The following ZHX2 variants were observed in gnomAD, a reference collection of about 807,000 sequenced individuals.
ZHX2 encodes zinc fingers and homeoboxes protein 2.
ZHX2 carries 6 observed loss-of-function variants against 21.9 expected under a neutral mutation model. That is an observed-to-expected ratio of 0.27 (90% CI 0.15 to 0.54). ZHX2 has a LOEUF of 0.54. ZHX2 is among the 20% of genes least tolerant of loss of function. The pLI, the probability that ZHX2 is intolerant of heterozygous loss-of-function variation, is 0.95. For synonymous variants in ZHX2, 434 were observed against 437.1 expected (o/e 0.99, Z 0.09); for missense variants, 908 against 1,090.7 (o/e 0.83, Z 2.36).
In ZHX2 at chr8:122,851,987, T is replaced by C. The variant is rs147955859; in HGVS notation, c.-282-11490T>C. ...CAACGTCTGAGCAGATCCCTCCGAA[T>C]TGATTTGGTTCTCCTTCCTGTTTAA... is the stretch of plus-strand genomic sequence containing the variant. On this transcript the variant is annotated intron_variant, in intron 1 of 3. Coordinates refer to ENST00000314393, the MANE Select transcript of ZHX2 (RefSeq NM_014943.5). 1.5e-3 allele frequency among the ~76,000 whole-genome samples: 227 copies of C among 152,350 alleles called. 1 individual carries two copies. Among genetic ancestry groups the C allele is most frequent in the South Asian group, 6.2e-3 (30 of 4,828 alleles).
At chr8:122,959,424 TAATG>T (rs1332036105) in intron 3 of ZHX2, among the ~76,000 whole-genome samples, 3 of 149,544 alleles carry the variant, frequency 2.0e-5, no homozygotes, top group African/African-American at 7.4e-5. Flanking sequence ...ACTAATTAAT[TAATG>T]AGTGAATGAA....
intron 2 of ZHX2, among the ~76,000 whole-genome samples, chr8:122,918,497 T>G (rs1182065980): frequency 6.6e-6 from 1 of 152,180 alleles, no homozygotes; most frequent in Non-Finnish European, 1.5e-5. Flanking sequence ...CCCACTTCTG[T>G]TGCACTTCTC....
chr8:122,827,143 C>T (rs1023053125), intron 1 of ZHX2, among the ~76,000 whole-genome samples: 5 of 152,140 alleles, frequency 3.3e-5, no homozygotes, highest in Non-Finnish European at 5.9e-5. Context: ...CCTCAGCCAC[C>T]CAAGTAGCTG....
intron 2 of ZHX2, among the ~76,000 whole-genome samples, chr8:122,876,898 G>A (rs1819587309): frequency 6.6e-6 from 1 of 152,188 alleles, no homozygotes; most frequent in Non-Finnish European, 1.5e-5. Context: ...GGGATTGGGG[G>A]ACCCAAGCCT....
chr8:122,810,570 G>C (rs535766636), intron 1 of ZHX2: 5 of 152,230 alleles, frequency 3.3e-5, no homozygotes, highest in Non-Finnish European at 7.3e-5. Flanking sequence ...CACGTCCTGC[G>C]TGGGTGAGTC....
Position 122,951,409 on chromosome 8 carries a change from G to T in ZHX2, c.-102G>T. ...ACAAGGAAAGCCAAAGCCATTTGAG[G>T]GGGAATAAAGCCAAAAGCCTTTCAC... On this transcript the variant is annotated 5_prime_UTR_variant, in exon 3 of 4. Coordinates refer to ENST00000314393, the MANE Select transcript of ZHX2 (RefSeq NM_014943.5). 1 of 1,028,668 alleles carries T rather than the reference G, an allele frequency of 9.7e-7. No homozygotes were observed. The highest frequency in any genetic ancestry group is 2.6e-5 in the East Asian group (1 of 38,262). 63.7% of individuals were successfully genotyped at this position (1,028,668 alleles called of 1,614,324 possible). A position where few individuals can be genotyped will look rare whatever the true frequency, so the allele number is the denominator to read the frequency against.
At chr8:122,915,537 G>A (rs1820579908) in intron 2 of ZHX2, among the ~76,000 whole-genome samples, 1 of 152,136 alleles carries the variant, frequency 6.6e-6, no homozygotes. Context: ...CTGATCCTTT[G>A]GGGATTTCAT....
At chr8:122,848,091 G>A (rs1397075770) in intron 1 of ZHX2, among the ~76,000 whole-genome samples, 5 of 152,192 alleles carry the variant, frequency 3.3e-5, no homozygotes, top group Admixed American at 6.5e-5. Context: ...AGTTGAGTGA[G>A]CATGTTTACA....
intron 2 of ZHX2, among the ~76,000 whole-genome samples, chr8:122,906,654 T>C (rs1820353229): frequency 6.6e-6 from 1 of 150,718 alleles, no homozygotes; most frequent in African/African-American, 2.4e-5. Context: ...CACTTCTGTA[T>C]CACATAATTT....
At chr8:122,887,466 C>T (rs537619835) in intron 2 of ZHX2, among the ~76,000 whole-genome samples, 25 of 151,872 alleles carry the variant, frequency 1.6e-4, no homozygotes, top group Non-Finnish European at 3.2e-4. Context: ...TGCAGTGAGC[C>T]GAGATTGCGC....
At chr8:122,972,804 G>A (rs1213852966) in intron 3 of ZHX2, among the ~76,000 whole-genome samples, 1 of 152,152 alleles carries the variant, frequency 6.6e-6, no homozygotes, top group Non-Finnish European at 1.5e-5. Context: ...AAGCCCTAGA[G>A]TGATCAAGTC....
At chr8:122,964,937 C>G (rs1813540239) in intron 3 of ZHX2, among the ~76,000 whole-genome samples, 1 of 151,422 alleles carries the variant, frequency 6.6e-6, no homozygotes, top group South Asian at 2.1e-4. Flanking sequence ...TAAAGGTGTT[C>G]ATAGAAACCT....
chr8:122,929,640 T>TAAAA (rs754405611), intron 2 of ZHX2, among the ~76,000 whole-genome samples: 26 of 136,448 alleles, frequency 1.9e-4, no homozygotes, highest in Non-Finnish European at 3.0e-4. Flanking sequence ...GACCATGTCT[T>TAAAA]AAAAAAAAAA....
At chr8:122,825,088 C>A (rs772053965) in intron 1 of ZHX2, among the ~76,000 whole-genome samples, 2 of 152,204 alleles carry the variant, frequency 1.3e-5, no homozygotes, top group African/African-American at 2.4e-5. Context: ...TGAACCTAAT[C>A]GCATCTGCAG....
At chr8:122,877,612 G>T (rs956014029) in intron 2 of ZHX2, among the ~76,000 whole-genome samples, 1 of 152,158 alleles carries the variant, frequency 6.6e-6, no homozygotes, top group African/African-American at 2.4e-5. Flanking sequence ...ATCAAAACAC[G>T]AACTACAGTA....
At chr8:122,846,317 G>C (rs751156471) in intron 1 of ZHX2, among the ~76,000 whole-genome samples, 1 of 152,184 alleles carries the variant, frequency 6.6e-6, no homozygotes, top group Admixed American at 6.5e-5. Flanking sequence ...CCAAACATGC[G>C]TCCTTCTCTG....
intron 3 of ZHX2, among the ~76,000 whole-genome samples, chr8:122,956,386 T>A (rs1057362587): frequency 4.6e-5 from 7 of 152,178 alleles, no homozygotes; most frequent in Non-Finnish European, 7.3e-5. Context: ...CATTTTCCTT[T>A]ACTCATCAGT....
intron 1 of ZHX2, among the ~76,000 whole-genome samples, chr8:122,797,945 A>G (rs1201862049): frequency 6.6e-6 from 1 of 152,232 alleles, no homozygotes; most frequent in African/African-American, 2.4e-5. Context: ...AGAACTGCAC[A>G]GATTAATTAA....
chr8:122,836,872 T>G (rs113059613), intron 1 of ZHX2, among the ~76,000 whole-genome samples: 83 of 152,298 alleles, frequency 5.4e-4, no homozygotes, highest in African/African-American at 1.9e-3. Context: ...CTTACACTAC[T>G]GGGCTGCATT....
Sources: gnomAD v4.1 joint callset for allele counts (sites outside exome capture counted in the v4.1 genomes callset) on GRCh38, gnomAD v4.1.1 for gene constraint, MANE v1.5 for transcripts, NCBI Gene and HGNC (gene_info 2026-07-23, HGNC 2026-07-21) for gene names.